The following FGF14 variants were observed in gnomAD, a reference collection of about 807,000 sequenced individuals.
The protein encoded by FGF14 is fibroblast growth factor homologous factor 4.
Under a neutral mutation model 25.5 loss-of-function variants are expected in FGF14, and 5 were observed. The ratio of observed to expected loss-of-function variants is 0.20; its 90% CI spans 0.10 to 0.41. The LOEUF (loss-of-function observed/expected upper bound fraction) is 0.41, where lower values mean the gene tolerates loss of function less well. Among genes scored for constraint, FGF14 ranks in the 10% least tolerant of loss-of-function variants. The pLI, the probability that FGF14 is intolerant of heterozygous loss-of-function variation, is 1.00. For missense variants in FGF14, 222 were observed against 320.1 expected (o/e 0.69, Z 2.34); for synonymous variants, 138 against 118.3 (o/e 1.17, Z -1.08).
intron 1 of FGF14, among the ~76,000 whole-genome samples, chr13:102,185,732 T>C (rs2048849327): frequency 6.6e-6 from 1 of 152,158 alleles, no homozygotes. Context: ...CACCTGTATT[T>C]GGAGATGGAT....
intron 3 of FGF14, among the ~76,000 whole-genome samples, chr13:101,801,598 T>A (rs540317949): frequency 6.6e-6 from 1 of 152,216 alleles, no homozygotes; most frequent in Admixed American, 6.5e-5. Flanking sequence ...TAGTTCTGAC[T>A]GATCTATTTA....
chr13:102,139,260 C>T (rs907378812), intron 1 of FGF14, among the ~76,000 whole-genome samples: 4 of 151,930 alleles, frequency 2.6e-5, no homozygotes, highest in Non-Finnish European at 5.9e-5. Flanking sequence ...ACTAGCCAGG[C>T]GTGGTAGCAC....
rs942838221 is a variant in FGF14 at position 102,114,670 on chromosome 13, A to T, written c.209-239374T>A. Among the ~76,000 whole-genome samples the T allele has an allele frequency of 2.0e-5, 3 of 152,324 alleles. No individual in the cohort carries two copies. The South Asian group carries it at 6.2e-4, about 32-fold the overall frequency. On this transcript the variant is annotated intron_variant, in intron 1 of 4. Transcript: ENST00000376131. ...CATTCGGCTTTAAGAAAATCCTCTGATATGTGACAACATGGATGAGCCTTG... is the reference window on the plus strand; with the variant it reads ...CATTCGGCTTTAAGAAAATCCTCTGTTATGTGACAACATGGATGAGCCTTG...
intron 1 of FGF14, among the ~76,000 whole-genome samples, chr13:101,962,883 G>A (rs890847639): frequency 2.6e-5 from 4 of 152,228 alleles, no homozygotes; most frequent in Admixed American, 6.5e-5. Flanking sequence ...TGAAGATTAA[G>A]TGAATAAATG....
chr13:102,256,430 C>T (rs1403395383), intron 1 of FGF14, among the ~76,000 whole-genome samples: 1 of 151,958 alleles, frequency 6.6e-6, no homozygotes, highest in Non-Finnish European at 1.5e-5. Context: ...CCCGGGAGGT[C>T]GAAGTTGCAG....
chr13:102,162,092 T>C (rs1382458171), intron 1 of FGF14, among the ~76,000 whole-genome samples: 1 of 152,086 alleles, frequency 6.6e-6, no homozygotes, highest in Non-Finnish European at 1.5e-5. Context: ...TTATCTCCTG[T>C]TTTTTAAAAG....
chr13:102,385,703 T>C (rs976343237), intron 1 of FGF14, among the ~76,000 whole-genome samples: 2 of 152,178 alleles, frequency 1.3e-5, no homozygotes, highest in African/African-American at 4.8e-5. Flanking sequence ...TATCAATCCT[T>C]TCTGAGTAGC....
intron 1 of FGF14, among the ~76,000 whole-genome samples, chr13:101,895,157 G>C (rs1272220504): frequency 1.3e-5 from 2 of 151,916 alleles, no homozygotes; most frequent in African/African-American, 4.8e-5. Flanking sequence ...TCCTTTTCTT[G>C]TCATGTTAAT....
chr13:101,970,031 C>G (rs1042998425), intron 1 of FGF14, among the ~76,000 whole-genome samples: 3 of 152,152 alleles, frequency 2.0e-5, no homozygotes, highest in African/African-American at 7.2e-5. Flanking sequence ...TCTTGATTGT[C>G]TTTTATTTTA....
In FGF14 at chr13:101,857,408, C is replaced by T. The variant is rs183149061; in HGVS notation, c.408+11317G>A. ...ACATGTTTATTAACATGTGACTCAT[C>T]TCTCTTTATTTAATATAGTGGAGTG... is the stretch of plus-strand genomic sequence containing the variant. On this transcript the variant is annotated intron_variant, in intron 3 of 4. Transcript: ENST00000376143. 2.2e-4 allele frequency among the ~76,000 whole-genome samples: 34 copies of T among 152,108 alleles called. No individual in the cohort carries two copies. The East Asian group carries it at 4.5e-3, about 20-fold the overall frequency.
At chr13:102,268,423 A>T (rs1015727582) in intron 1 of FGF14, among the ~76,000 whole-genome samples, 1 of 152,148 alleles carries the variant, frequency 6.6e-6, no homozygotes, top group Non-Finnish European at 1.5e-5. Flanking sequence ...TTATACTATG[A>T]TATCATTTGA....
At chr13:102,125,733 G>T (rs2045923939) in intron 1 of FGF14, among the ~76,000 whole-genome samples, 1 of 152,082 alleles carries the variant, frequency 6.6e-6, no homozygotes, top group South Asian at 2.1e-4. Flanking sequence ...GCATTCAATT[G>T]ATTTGAACTG....
chr13:102,071,705 T>A lies in FGF14; in HGVS notation c.209-196409A>T, dbSNP rs567197304. ...TGGTAGACAACTAGATACAGACACA[T>A]CCTATCTTTCTCTACTCTTCATTTC... On this transcript the variant is annotated intron_variant, in intron 1 of 4. Coordinates refer to the FGF14 transcript ENST00000376131. Among the ~76,000 whole-genome samples the A allele has an allele frequency of 8.5e-5, 13 of 152,292 alleles. No homozygotes were observed. The East Asian group carries it at 1.4e-3, about 16-fold the overall frequency.
rs562104835 is a variant in FGF14 at position 102,148,578 on chromosome 13, C to T, written c.208+252893G>A. Among the ~76,000 whole-genome samples, 3 of 152,192 alleles carry T rather than the reference C, an allele frequency of 2.0e-5. No homozygotes were observed. In the East Asian group the frequency reaches 5.8e-4, roughly 30 times the overall value. On this transcript the variant is annotated intron_variant, in intron 1 of 4. Transcript: ENST00000376131. ...AATGCCAGCACTTTGGGAGGTCTAGCCAGGCAGATTGCCTGAGCTCAGTAG... is the reference window on the plus strand; with the variant it reads ...AATGCCAGCACTTTGGGAGGTCTAGTCAGGCAGATTGCCTGAGCTCAGTAG...
chr13:102,190,893 C>T (rs1283421230), intron 1 of FGF14, among the ~76,000 whole-genome samples: 1 of 152,064 alleles, frequency 6.6e-6, no homozygotes, highest in Non-Finnish European at 1.5e-5. Flanking sequence ...TTTTAACTTG[C>T]CCTACTCCCA....
At chr13:102,129,526 G>A (rs1006047086) in intron 1 of FGF14, among the ~76,000 whole-genome samples, 7 of 149,670 alleles carry the variant, frequency 4.7e-5, no homozygotes, top group African/African-American at 1.5e-4. Flanking sequence ...TATTTGACAC[G>A]AATAAAGAAA....
Position 101,715,415 on chromosome 13 carries a change from G to A in FGF14, c.*7416C>T. ...TAGATGTCTCGCAGCTGCTTAATAA[G>A]ATGTAATAATAACATCATTGCACAA... is the stretch of plus-strand genomic sequence containing the variant. On this transcript the variant is annotated 3_prime_UTR_variant, in exon 5 of 5. Transcript: ENST00000376143. The A allele has an allele frequency of 1.5e-6, 1 of 665,752 alleles. No individual in the cohort carries two copies. Among genetic ancestry groups the A allele is most frequent in the Non-Finnish European group, 2.7e-6 (1 of 369,548 alleles). The allele number at this position is 665,752 out of a possible 1,614,324, so 41.2% of individuals were successfully genotyped here. A position where few individuals can be genotyped will look rare whatever the true frequency, so the allele number is the denominator to read the frequency against.
rs570580870 is a variant in FGF14, at chr13:101,804,612, G to A, written c.408+64113C>T. Among the ~76,000 whole-genome samples the A allele has an allele frequency of 3.3e-5, 5 of 152,086 alleles. No individual in the cohort carries two copies. In the South Asian group the frequency reaches 1.0e-3, roughly 32 times the overall value. On this transcript the variant is annotated intron_variant, in intron 3 of 4. Coordinates refer to ENST00000376143, the MANE Select transcript of FGF14 (RefSeq NM_004115.4). Reference sequence around the variant, plus strand: ...CACACATACACACATATGCTGATGTGGGAAGGCACATTTAAATTATCTAGA... The same window carrying A: ...CACACATACACACATATGCTGATGTAGGAAGGCACATTTAAATTATCTAGA...
chr13:101,895,166 A>T (rs941063699), intron 1 of FGF14, among the ~76,000 whole-genome samples: 3 of 152,052 alleles, frequency 2.0e-5, no homozygotes, highest in African/African-American at 7.2e-5. Context: ...TGTCATGTTA[A>T]TGTGGGTATA....
Sources: allele counts gnomAD v4.1 joint callset (sites outside exome capture counted in the v4.1 genomes callset), GRCh38; gene constraint gnomAD v4.1.1; transcripts MANE v1.5; gene names NCBI Gene and HGNC (gene_info 2026-07-23, HGNC 2026-07-21).